ABCG8: variants seen among roughly 807,000 people sequenced by gnomAD.
The protein encoded by ABCG8 is ATP-binding cassette sub-family G member 8.
ABCG8 carries 81 observed loss-of-function variants against 71.3 expected under a neutral mutation model. The observed-to-expected ratio is 1.14, with a 90% CI of 0.95 to 1.37. The LOEUF (loss-of-function observed/expected upper bound fraction) is 1.37. Among genes scored for constraint, ABCG8 ranks in the 40% most tolerant of loss-of-function variants. The pLI is 0.00. For missense variants in ABCG8, 1,119 were observed against 866.2 expected (o/e 1.29, Z -3.66); for synonymous variants, 451 against 354.7 (o/e 1.27, Z -3.05).
Position 43,876,095 on chromosome 2 carries a change from C to T in ABCG8, c.1756+682C>T, listed in dbSNP as rs188721431. 7.9e-5 allele frequency among the ~76,000 whole-genome samples: 12 copies of T among 152,300 alleles called. No homozygotes were observed. In the East Asian group the frequency reaches 1.7e-3, roughly 22 times the overall value. Reference sequence around the variant, plus strand: ...CTCCATAGGATCAGGGCACAGGCTCCATTGTCTCTGGTGTGGGGCCGCTGA... The same window carrying T: ...CTCCATAGGATCAGGGCACAGGCTCTATTGTCTCTGGTGTGGGGCCGCTGA... On this transcript the variant is annotated intron_variant, in intron 11 of 12. Transcript: ENST00000272286.
intron 6 of ABCG8, 56 bp from the exon 7 acceptor site, chr2:43,871,920 C>A: frequency 6.2e-7 from 1 of 1,611,946 alleles, no homozygotes; most frequent in Non-Finnish European, 8.5e-7. Flanking sequence ...AGCTCTTCAC[C>A]TGTGAGCAGG....
rs757142793 is a variant in ABCG8 at position 43,851,606 on chromosome 2, A to G, written c.345A>G (p.Leu115=). 1.2e-6 allele frequency: 2 copies of G among 1,614,228 alleles called. No individual in the cohort carries two copies. The highest frequency in any genetic ancestry group is 2.2e-5 in the South Asian group (2 of 91,088). Residue 115 remains leucine (L), a synonymous_variant, in exon 4 of 13, where the codon CTA becomes CTG. Transcript: ENST00000272286. ...GSSGCGRASL[L]DVITGRGHGG... ...CAGGTTGTGGGAGAGCCTCCTTGCT[A>G]GATGTGATCACTGGCCGAGGTCACG...
Position 43,880,611 on chromosome 2 carries a change from T to C in ABCG8, c.*2698T>C, listed in dbSNP as rs974966005. On this transcript the variant is annotated 3_prime_UTR_variant, in exon 13 of 13. Coordinates refer to ENST00000272286, the MANE Select transcript of ABCG8 (RefSeq NM_022437.3). ...AAGTATGCTCTTTGCTTGTGGAACA[T>C]CTCTGCTCCCAGGCTCTCTCAGTGA... 1 of 151,524 alleles carries C rather than the reference T, an allele frequency of 6.6e-6. No homozygotes were observed. Among genetic ancestry groups the C allele is most frequent in the South Asian group, 2.1e-4 (1 of 4,776 alleles). 9.4% of individuals were successfully genotyped at this position (151,524 alleles called of 1,614,324 possible).
intron 2 of ABCG8, among the ~76,000 whole-genome samples, chr2:43,845,080 A>C (rs1001488865): frequency 7.2e-6 from 1 of 139,106 alleles, no homozygotes; most frequent in Admixed American, 7.3e-5. Context: ...TTATATATAT[A>C]TGTGTGTGTG....
At chr2:43,863,761 A>C (rs1669420279) in intron 6 of ABCG8, among the ~76,000 whole-genome samples, 1 of 150,984 alleles carries the variant, frequency 6.6e-6, no homozygotes, top group South Asian at 2.1e-4. Flanking sequence ...TAGAACTCTT[A>C]CTATCTATCT....
chr2:43,880,412 G>GATCT lies in ABCG8; in HGVS notation c.*2500_*2503dup, dbSNP rs1670099292. 1 of 152,162 alleles carries GATCT rather than the reference G, an allele frequency of 6.6e-6. No individual in the cohort carries two copies. The highest frequency in any genetic ancestry group is 2.4e-5 in the African/African-American group (1 of 41,430). 9.4% of individuals were successfully genotyped at this position (152,162 alleles called of 1,614,324 possible). A position where few individuals can be genotyped will look rare whatever the true frequency, so the allele number is the denominator to read the frequency against. On this transcript the variant is annotated 3_prime_UTR_variant, in exon 13 of 13. Coordinates refer to ENST00000272286, the MANE Select transcript of ABCG8 (RefSeq NM_022437.3). Reference sequence around the variant, plus strand: ...TGGTTGTGAACTCTAGGCCTCAAGTGATCTGCCTGCTTCGGCCTCCCAAAG... The same window carrying GATCT: ...TGGTTGTGAACTCTAGGCCTCAAGTGATCTATCTGCCTGCTTCGGCCTCCCAAAG...
In ABCG8 at chr2:43,857,904, C is replaced by T. The variant is rs559988819; in HGVS notation, c.964+5036C>T. Among the ~76,000 whole-genome samples the T allele has an allele frequency of 2.0e-5, 3 of 151,828 alleles. No individual in the cohort carries two copies. The South Asian group carries it at 6.2e-4, about 31-fold the overall frequency. On this transcript the variant is annotated intron_variant, in intron 6 of 12. Coordinates refer to ENST00000272286, the MANE Select transcript of ABCG8 (RefSeq NM_022437.3). ...TCTGGATAGAAGTCTTACTATCAAT[C>T]TGGATATAATTCTCACTCTCTGGAT...
chr2:43,855,894 A>G (rs751050100), intron 6 of ABCG8, among the ~76,000 whole-genome samples: 1 of 152,122 alleles, frequency 6.6e-6, no homozygotes, highest in Non-Finnish European at 1.5e-5. Flanking sequence ...ATCTGTCTGG[A>G]TAGAATTCTC....
chr2:43,851,493 C>T (rs992926458), intron 3 of ABCG8, 91 bp from the exon 4 acceptor site: 18 of 1,423,182 alleles, frequency 1.3e-5, no homozygotes, highest in African/African-American at 4.2e-5. Flanking sequence ...CAGAGTAGTC[C>T]GGGGTCCTGG....
At chr2:43,873,030 C>G (rs6756676) in intron 8 of ABCG8, among the ~76,000 whole-genome samples, 74,354 of 151,658 alleles carry the variant, frequency 0.49, 18,800 homozygotes, top group East Asian at 0.86. Flanking sequence ...TTTCTTTTCA[C>G]TTAGGGCAGC....
At chr2:43,876,712 C>A (rs902879594) in intron 11 of ABCG8, among the ~76,000 whole-genome samples, 3 of 142,162 alleles carry the variant, frequency 2.1e-5, no homozygotes, top group African/African-American at 8.0e-5. Flanking sequence ...ATAAAGGAGC[C>A]GTGGGAATAT....
intron 6 of ABCG8, among the ~76,000 whole-genome samples, chr2:43,865,410 T>C (rs116222520): frequency 2.0e-4 from 28 of 136,940 alleles, no homozygotes; most frequent in South Asian, 5.0e-4. Flanking sequence ...TCACTATCTG[T>C]CTGGATAGAA....
rs752517051 is a variant in ABCG8 at position 43,873,798 on chromosome 2, C to T, written c.1223C>T (p.Ser408Phe). The T allele has an allele frequency of 6.2e-7, 1 of 1,614,146 alleles. No individual in the cohort carries two copies. Among genetic ancestry groups the T allele is most frequent in the South Asian group, 1.1e-5 (1 of 91,066 alleles). The stretch of plus-strand genomic sequence containing the variant: ...TTTTGGTTTTTAAGTCGTCAGATTT[C>T]CAACGACTTCCGAGACCTGCCCACC... ...QFTTLIRRQI[S>F]NDFRDLPTLL... is the part of the protein sequence containing the mutation. The change falls in exon 9 of 13, where the codon TCC becomes TTC. Residue 408 changes from serine (S) to phenylalanine (F), a missense_variant. Coordinates refer to ENST00000272286, the MANE Select transcript of ABCG8 (RefSeq NM_022437.3).
rs762540907 is a variant in ABCG8, at chr2:43,851,647, C to A, written c.386C>A (p.Ser129Ter). 6 of 1,614,224 alleles carry A rather than the reference C, an allele frequency of 3.7e-6. No individual in the cohort carries two copies. The South Asian group carries it at 6.6e-5, about 18-fold the overall frequency. Residue 129 changes from serine to a stop codon, truncating the protein, a stop_gained, in exon 4 of 13, where the codon TCA (serine) becomes TAA (stop). Transcript: ENST00000272286. LOFTEE classifies it high-confidence loss of function. ...CGAGGTCACGGCGGCAAGATCAAGTCAGGCCAGATCTGGATCAATGGGCAG... is the reference window on the plus strand; with the variant it reads ...CGAGGTCACGGCGGCAAGATCAAGTAAGGCCAGATCTGGATCAATGGGCAG... ...TGRGHGGKIK[S>*]GQIWINGQPS...
chr2:43,845,713 C>T (rs1047704589), intron 2 of ABCG8, among the ~76,000 whole-genome samples: 12 of 152,064 alleles, frequency 7.9e-5, no homozygotes, highest in African/African-American at 2.9e-4. Flanking sequence ...TCTCTGCCTC[C>T]CAAATTCAAG....
intron 6 of ABCG8, among the ~76,000 whole-genome samples, chr2:43,854,722 A>C (rs991134891): frequency 6.6e-6 from 1 of 151,760 alleles, no homozygotes; most frequent in Non-Finnish European, 1.5e-5. Context: ...GAAGGAATGA[A>C]GGGAGGGTGG....
rs372322853 is a variant in ABCG8 at position 43,845,990 on chromosome 2, C to T, written c.166-165C>T. Among the ~76,000 whole-genome samples, 6 of 152,332 alleles carry T rather than the reference C, an allele frequency of 3.9e-5. No homozygotes were observed. The South Asian group carries it at 1.2e-3, about 32-fold the overall frequency. On this transcript the variant is annotated intron_variant, in intron 2 of 12. Transcript: ENST00000272286. ...CAGCTACAGGTTCTCAGCATGGGTC[C>T]TGCTTCCGTGTTTGGTAGAACCTGG...
At chr2:43,852,216 G>C in intron 4 of ABCG8, 138 bp from the exon 5 acceptor site, 2 of 1,208,352 alleles carry the variant, frequency 1.7e-6, no homozygotes, top group Non-Finnish European at 2.4e-6. Flanking sequence ...GTTGCAGCTT[G>C]GAACTCAAGT....
At position 43,861,123 on chromosome 2, in the gene ABCG8, T is replaced by C. The variant is rs140897798; in HGVS notation, c.964+8255T>C. On this transcript the variant is annotated intron_variant, in intron 6 of 12. Transcript: ENST00000272286. Reference sequence around the variant, plus strand: ...CTGGGTAGAATTCTCCCTATCTAGATAGAATTCTCACTGTCTACATAGAGC... The same window carrying C: ...CTGGGTAGAATTCTCCCTATCTAGACAGAATTCTCACTGTCTACATAGAGC... Among the ~76,000 whole-genome samples, 8 of 151,542 alleles carry C rather than the reference T, an allele frequency of 5.3e-5. No homozygotes were observed. The East Asian group carries it at 1.5e-3, about 29-fold the overall frequency.
Sources: allele counts gnomAD v4.1 joint callset (sites outside exome capture counted in the v4.1 genomes callset), GRCh38; gene constraint gnomAD v4.1.1; transcripts MANE v1.5; gene names NCBI Gene and HGNC (gene_info 2026-07-23, HGNC 2026-07-21).